The following KSR2 variants were observed in gnomAD, a reference collection of about 807,000 sequenced individuals.
KSR2 encodes the protein kinase suppressor of ras 2.
In KSR2, 25 loss-of-function variants were observed where a neutral mutation model predicts 107.8. The observed-to-expected ratio is 0.23, with a 90% CI of 0.17 to 0.32. The LOEUF (loss-of-function observed/expected upper bound fraction) is 0.32, where lower values mean the gene tolerates loss of function less well. KSR2 is among the 10% of genes least tolerant of loss of function. The probability of loss-of-function intolerance (pLI) is 1.00; values close to 1 mark genes in which losing one functional copy is unlikely to be tolerated. For missense variants in KSR2, 887 were observed against 1,268.9 expected (o/e 0.70, Z 4.57); for synonymous variants, 480 against 507.0 (o/e 0.95, Z 0.71).
chr12:117,961,127 C>G (rs1322688752), intron 1 of KSR2, among the ~76,000 whole-genome samples: 4 of 152,144 alleles, frequency 2.6e-5, no homozygotes, highest in African/African-American at 4.8e-5. Flanking sequence ...CTCAGCTAAA[C>G]TTCATTCTCC....
intron 3 of KSR2, among the ~76,000 whole-genome samples, chr12:117,771,804 G>A (rs960258607): frequency 6.6e-6 from 1 of 151,910 alleles, no homozygotes; most frequent in African/African-American, 2.4e-5. Context: ...GCTGAGCTGG[G>A]ACCCACCCCT....
intron 4 of KSR2, among the ~76,000 whole-genome samples, chr12:117,739,250 G>A (rs1888073840): frequency 6.6e-6 from 1 of 152,008 alleles, no homozygotes; most frequent in South Asian, 2.1e-4. Flanking sequence ...AGCTACTCGG[G>A]AGGCTGAGGC....
In KSR2 at chr12:117,537,285, C is replaced by T. The variant is rs146463224; in HGVS notation, c.1687+2434G>A. ...CCTTCCCCAAATGTTGAGTTCAGTT[C>T]ATACTCCTATGTCAAGGTATATGGG... is the stretch of plus-strand genomic sequence containing the variant. On this transcript the variant is annotated intron_variant, in intron 10 of 19. Transcript: ENST00000339824. Among the ~76,000 whole-genome samples, 582 of 152,272 alleles carry T rather than the reference C, an allele frequency of 3.8e-3. 7 individuals are homozygous for T. Among genetic ancestry groups the T allele is most frequent in the African/African-American group, 0.013 (559 of 41,548 alleles).
intron 4 of KSR2, among the ~76,000 whole-genome samples, chr12:117,686,480 G>GA (rs1885579101): frequency 6.6e-6 from 1 of 152,042 alleles, no homozygotes; most frequent in South Asian, 2.1e-4. Flanking sequence ...GCCAGGATTT[G>GA]AACCTGGTTC....
intron 1 of KSR2, among the ~76,000 whole-genome samples, chr12:117,936,666 T>C (rs983795132): frequency 6.6e-6 from 1 of 152,026 alleles, no homozygotes; most frequent in Non-Finnish European, 1.5e-5. Context: ...ATTAGAGGCA[T>C]GAGCCGCTGT....
At chr12:117,967,516 T>C (rs919483232) in intron 1 of KSR2, among the ~76,000 whole-genome samples, 4 of 151,932 alleles carry the variant, frequency 2.6e-5, no homozygotes, top group Admixed American at 2.6e-4. Context: ...CCTCCTGACA[T>C]GTATATCACT....
intron 5 of KSR2, among the ~76,000 whole-genome samples, chr12:117,666,936 G>A (rs1296081229): frequency 6.6e-6 from 1 of 152,178 alleles, no homozygotes; most frequent in Non-Finnish European, 1.5e-5. Flanking sequence ...GTCTCCAGCA[G>A]AAATTCGTAA....
chr12:117,865,218 G>A (rs139001458), intron 1 of KSR2, among the ~76,000 whole-genome samples: 30 of 152,058 alleles, frequency 2.0e-4, no homozygotes, highest in Middle Eastern at 6.8e-3. Flanking sequence ...ACTTTTAATC[G>A]GATAGAAAAC....
At chr12:117,855,350 C>A in intron 3 of KSR2, 78 bp downstream of exon 3, 3 of 1,535,142 alleles carry the variant, frequency 2.0e-6, no homozygotes, top group Non-Finnish European at 2.6e-6. Flanking sequence ...CCTGCAGTGG[C>A]GGGCACGGGA....
chr12:117,610,035 C>T (rs892907590), intron 5 of KSR2, among the ~76,000 whole-genome samples: 26 of 152,276 alleles, frequency 1.7e-4, no homozygotes, highest in Middle Eastern at 6.8e-3. Flanking sequence ...ATGCATGACT[C>T]GCCCAGATAC....
intron 5 of KSR2, among the ~76,000 whole-genome samples, chr12:117,620,135 T>C (rs1166315195): frequency 2.0e-5 from 3 of 152,156 alleles, no homozygotes; most frequent in African/African-American, 4.8e-5. Flanking sequence ...AAATGGAGAA[T>C]TGGAGAGATT....
chr12:117,733,809 G>GC (rs1555233054), intron 4 of KSR2, among the ~76,000 whole-genome samples: 2 of 152,098 alleles, frequency 1.3e-5, no homozygotes, highest in African/African-American at 2.4e-5. Context: ...AGGAAGGCTG[G>GC]TTTTTTGCAA....
At chr12:117,501,716 C>A (rs185737653) in intron 14 of KSR2, among the ~76,000 whole-genome samples, 3 of 152,310 alleles carry the variant, frequency 2.0e-5, no homozygotes, top group Admixed American at 6.5e-5. Flanking sequence ...AATAAGGGAG[C>A]TTATCTGCAA....
At chr12:117,534,464 T>C (rs1875890594) in intron 10 of KSR2, among the ~76,000 whole-genome samples, 1 of 152,046 alleles carries the variant, frequency 6.6e-6, no homozygotes, top group African/African-American at 2.4e-5. Flanking sequence ...CAAGGACTCT[T>C]AGCCATCTTA....
intron 3 of KSR2, among the ~76,000 whole-genome samples, chr12:117,825,138 C>T (rs531767803): frequency 1.3e-3 from 204 of 152,228 alleles, no homozygotes; most frequent in African/African-American, 4.2e-3. Flanking sequence ...GCCAACATTG[C>T]GCCACTGCAC....
chr12:117,692,698 A>T (rs958846668), intron 4 of KSR2, among the ~76,000 whole-genome samples: 20 of 152,066 alleles, frequency 1.3e-4, no homozygotes, highest in Admixed American at 1.2e-3. Context: ...TGGCATATCC[A>T]CACAATGGAA....
At chr12:117,743,422 T>A (rs948687103) in intron 4 of KSR2, among the ~76,000 whole-genome samples, 8 of 152,138 alleles carry the variant, frequency 5.3e-5, no homozygotes, top group African/African-American at 1.9e-4. Flanking sequence ...AAATGACAAA[T>A]GGAGAGAAGT....
intron 1 of KSR2, among the ~76,000 whole-genome samples, chr12:117,870,109 C>T (rs759997771): frequency 2.0e-5 from 3 of 152,162 alleles, no homozygotes; most frequent in Non-Finnish European, 2.9e-5. Flanking sequence ...TTCCCACTGA[C>T]CTGGAAGTGC....
At chr12:117,632,311 A>T (rs1385896440) in intron 5 of KSR2, among the ~76,000 whole-genome samples, 1 of 129,970 alleles carries the variant, frequency 7.7e-6, no homozygotes, top group Non-Finnish European at 1.5e-5. Flanking sequence ...TGCAACCTCC[A>T]CCTCCCAGGT....
Sources: gnomAD v4.1 joint callset for allele counts (sites outside exome capture counted in the v4.1 genomes callset) on GRCh38, gnomAD v4.1.1 for gene constraint, MANE v1.5 for transcripts, NCBI Gene and HGNC (gene_info 2026-07-23, HGNC 2026-07-21) for gene names.